The following PAM variants were observed in gnomAD, a reference collection of about 807,000 sequenced individuals.
The protein encoded by PAM is peptidyl-glycine alpha-amidating monooxygenase.
Under a neutral mutation model 122.1 loss-of-function variants are expected in PAM, and 72 were observed. That is an observed-to-expected ratio of 0.59 (90% CI 0.49 to 0.72). PAM has a LOEUF of 0.72. PAM is among the 30% of genes least tolerant of loss of function. The probability of loss-of-function intolerance (pLI) is 0.00; values close to 1 mark genes in which losing one functional copy is unlikely to be tolerated. For synonymous variants in PAM, 389 were observed against 404.4 expected (o/e 0.96, Z 0.46); for missense variants, 1,106 against 1,183.7 (o/e 0.93, Z 0.96).
chr5:102,897,758 C>A (rs1483755247), intron 3 of PAM, among the ~76,000 whole-genome samples: 3 of 151,524 alleles, frequency 2.0e-5, no homozygotes, highest in African/African-American at 7.3e-5. Context: ...GGATTCTGTA[C>A]AATAAAAGGT....
chr5:102,889,954 G>A (rs139424203), intron 3 of PAM, among the ~76,000 whole-genome samples: 187 of 152,052 alleles, frequency 1.2e-3, no homozygotes, highest in African/African-American at 4.3e-3. Context: ...GTTTCTGAGT[G>A]AAAAGAGTAT....
chr5:102,833,628 A>C (rs1443328171), intron 1 of PAM, among the ~76,000 whole-genome samples: 1 of 152,170 alleles, frequency 6.6e-6, no homozygotes, highest in Non-Finnish European at 1.5e-5. Flanking sequence ...GCTACTGTAA[A>C]AATAATCTTT....
chr5:102,977,152 C>CA (rs1430696314), intron 15 of PAM, among the ~76,000 whole-genome samples: 1 of 152,098 alleles, frequency 6.6e-6, no homozygotes, highest in Non-Finnish European at 1.5e-5. Flanking sequence ...TAGATCAGCT[C>CA]AAAAATGTGG....
intron 3 of PAM, among the ~76,000 whole-genome samples, chr5:102,876,608 T>C (rs1425940705): frequency 6.6e-6 from 1 of 152,092 alleles, no homozygotes; most frequent in Admixed American, 6.6e-5. Context: ...TAATCAACAA[T>C]GGATTTTACA....
chr5:102,819,321 G>GT (rs1400160024), intron 1 of PAM, among the ~76,000 whole-genome samples: 1 of 152,032 alleles, frequency 6.6e-6, no homozygotes, highest in African/African-American at 2.4e-5. Flanking sequence ...ACCTACCATC[G>GT]TTTTGGTGAA....
chr5:102,877,751 T>C (rs1789676185), intron 3 of PAM, among the ~76,000 whole-genome samples: 1 of 152,150 alleles, frequency 6.6e-6, no homozygotes, highest in Non-Finnish European at 1.5e-5. Context: ...CAAATTGGGC[T>C]GCATGCAGTG....
intron 1 of PAM, chr5:102,755,592 C>G (rs32671): frequency 0.45 from 68,915 of 151,720 alleles, 15,929 homozygotes; most frequent in African/African-American, 0.52. Flanking sequence ...ACCTCTCTCA[C>G]GACCCTTCAT....
intron 15 of PAM, among the ~76,000 whole-genome samples, chr5:102,980,830 G>T (rs1769510063): frequency 1.3e-5 from 2 of 152,184 alleles, no homozygotes; most frequent in African/African-American, 4.8e-5. Flanking sequence ...GCTAAGTAAT[G>T]TAAGTGTGCA....
intron 1 of PAM, among the ~76,000 whole-genome samples, chr5:102,822,551 A>G (rs1772313622): frequency 6.6e-6 from 1 of 152,086 alleles, no homozygotes; most frequent in South Asian, 2.1e-4. Context: ...CTAGCCAGGA[A>G]TCGATTTTTT....
At chr5:102,903,496 A>G (rs188143729) in intron 4 of PAM, among the ~76,000 whole-genome samples, 1 of 151,668 alleles carries the variant, frequency 6.6e-6, no homozygotes, top group Admixed American at 6.6e-5. Context: ...TCATAGCTTG[A>G]GAAACAGAGA....
chr5:102,891,895 G>C (rs1419986861), intron 3 of PAM, among the ~76,000 whole-genome samples: 2 of 151,828 alleles, frequency 1.3e-5, no homozygotes, highest in African/African-American at 4.8e-5. Context: ...TTAGAATGCT[G>C]TCAGGACCTA....
intron 1 of PAM, among the ~76,000 whole-genome samples, chr5:102,829,625 C>T (rs192098365): frequency 5.5e-4 from 84 of 152,254 alleles, no homozygotes; most frequent in Middle Eastern, 6.8e-3. Flanking sequence ...CCGCTGGCCT[C>T]GGCCTCCCAA....
intron 15 of PAM, among the ~76,000 whole-genome samples, chr5:102,982,443 C>G (rs1022479888): frequency 6.6e-6 from 1 of 152,174 alleles, no homozygotes; most frequent in Non-Finnish European, 1.5e-5. Context: ...GACCTGCTAC[C>G]ACTGATACCT....
intron 1 of PAM, among the ~76,000 whole-genome samples, chr5:102,827,055 A>C (rs542980022): frequency 5.3e-5 from 8 of 152,304 alleles, no homozygotes; most frequent in Non-Finnish European, 1.2e-4. Context: ...CTTCTGAACC[A>C]GTTAGTTTGT....
chr5:102,822,184 A>G (rs557747627), intron 1 of PAM, among the ~76,000 whole-genome samples: 1 of 152,328 alleles, frequency 6.6e-6, no homozygotes, highest in South Asian at 2.1e-4. Flanking sequence ...TTCATTTTGC[A>G]TCATTTATTG....
At chr5:102,887,442 C>T (rs1481376212) in intron 3 of PAM, among the ~76,000 whole-genome samples, 1 of 151,878 alleles carries the variant, frequency 6.6e-6, no homozygotes, top group African/African-American at 2.4e-5. Flanking sequence ...ATGAGCCAAC[C>T]TTTTTTCTTG....
chr5:102,818,338 G>A (rs1267841179), intron 1 of PAM, among the ~76,000 whole-genome samples: 2 of 151,402 alleles, frequency 1.3e-5, no homozygotes, highest in Non-Finnish European at 2.9e-5. Context: ...CTGTTACATA[G>A]AGAACACACA....
At position 103,012,873 on chromosome 5, in the gene PAM, T is replaced by TA. The variant is rs1562245959; in HGVS notation, c.2331+3007_2331+3008insA. Among the ~76,000 whole-genome samples the TA allele has an allele frequency of 2.1e-5, 3 of 142,340 alleles. No individual in the cohort carries two copies. In the East Asian group the frequency reaches 6.3e-4, roughly 30 times the overall value. The allele number at this position is 142,340 out of a possible 152,430, so 93.4% of individuals were successfully genotyped here. On this transcript the variant is annotated intron_variant, in intron 21 of 25. Transcript: ENST00000438793. ...TCTGCCTCAAAAAAAAAAAAAAAAATGAGTTCACTGTAGGTGTGTGGATTT... is the reference window on the plus strand; with the variant it reads ...TCTGCCTCAAAAAAAAAAAAAAAAATAGAGTTCACTGTAGGTGTGTGGATTT...
At chr5:102,788,646 T>C (rs1761230035) in intron 1 of PAM, among the ~76,000 whole-genome samples, 1 of 152,128 alleles carries the variant, frequency 6.6e-6, no homozygotes, top group Non-Finnish European at 1.5e-5. Context: ...TTGACACCAC[T>C]GAGTAACAGA....
Sources: gnomAD v4.1 joint callset for allele counts (sites outside exome capture counted in the v4.1 genomes callset) on GRCh38, gnomAD v4.1.1 for gene constraint, MANE v1.5 for transcripts, NCBI Gene and HGNC (gene_info 2026-07-23, HGNC 2026-07-21) for gene names.